The following STK3 variants were observed in gnomAD, a reference collection of about 807,000 sequenced individuals.
STK3 encodes the protein serine/threonine kinase 3, also known as serine/threonine-protein kinase 3.
A neutral mutation model predicts 58.0 loss-of-function variants in STK3; 41 were observed. The observed-to-expected ratio is 0.71, with a 90% CI of 0.55 to 0.92. The LOEUF is 0.92. STK3 is among the 40% of genes least tolerant of loss of function. The pLI is 0.00. For synonymous variants in STK3, 170 were observed against 191.0 expected, an observed-to-expected ratio of 0.89 and a Z score of 0.91; for missense variants, 479 against 602.7, an observed-to-expected ratio of 0.79 and a Z score of 2.15.
At chr8:98,604,921 A>T (rs528416766) in intron 6 of STK3, among the ~76,000 whole-genome samples, 10 of 152,238 alleles carry the variant, frequency 6.6e-5, no homozygotes, top group African/African-American at 2.4e-4. Flanking sequence ...CATCAGTCTC[A>T]AGTTCAAAGA....
chr8:98,494,162 G>A (rs894490237), intron 10 of STK3, among the ~76,000 whole-genome samples: 1 of 151,998 alleles, frequency 6.6e-6, no homozygotes, highest in African/African-American at 2.4e-5. Flanking sequence ...AGGTATAAAC[G>A]CTGCTGCCTA....
chr8:98,378,901 T>A (rs534827021), intron 2 of STK3, among the ~76,000 whole-genome samples: 57 of 152,248 alleles, frequency 3.7e-4, no homozygotes, highest in African/African-American at 1.3e-3. Flanking sequence ...CCTTTTGCAA[T>A]CCTTTCAAAG....
chr8:98,685,434 A>C (rs1823915451), intron 6 of STK3, among the ~76,000 whole-genome samples: 1 of 152,168 alleles, frequency 6.6e-6, no homozygotes, highest in Non-Finnish European at 1.5e-5. Flanking sequence ...AATCTAGAGA[A>C]GTTGAGACCT....
At chr8:98,514,713 G>T (rs898972379) in intron 10 of STK3, among the ~76,000 whole-genome samples, 4 of 151,844 alleles carry the variant, frequency 2.6e-5, no homozygotes, top group Admixed American at 2.6e-4. Context: ...ATCCATTTTT[G>T]GTAATCATCT....
At chr8:98,907,839 T>C (rs1320464458) in intron 1 of STK3, among the ~76,000 whole-genome samples, 1 of 152,238 alleles carries the variant, frequency 6.6e-6, no homozygotes, top group African/African-American at 2.4e-5. Context: ...TTAGTTGATA[T>C]GTTTTTTAAT....
chr8:98,815,015 C>T, intron 1 of STK3, among the ~76,000 whole-genome samples: 1 of 152,134 alleles, frequency 6.6e-6, no homozygotes, highest in Non-Finnish European at 1.5e-5. Context: ...TGTTATTTGT[C>T]TTGGATTATT....
chr8:98,520,215 C>G (rs1277807910), intron 10 of STK3, among the ~76,000 whole-genome samples: 2 of 152,136 alleles, frequency 1.3e-5, no homozygotes, highest in African/African-American at 4.8e-5. Flanking sequence ...ACATCCTAAA[C>G]ATAACTTTTT....
chr8:98,682,104 T>C (rs1823681581), intron 6 of STK3, among the ~76,000 whole-genome samples: 1 of 152,224 alleles, frequency 6.6e-6, no homozygotes, highest in Non-Finnish European at 1.5e-5. Flanking sequence ...ATATCAATTG[T>C]ATGTCATAAG....
intron 1 of STK3, among the ~76,000 whole-genome samples, chr8:98,930,399 C>A (rs1033781564): frequency 1.3e-5 from 2 of 152,216 alleles, no homozygotes; most frequent in African/African-American, 4.8e-5. Context: ...CAGTTATTTA[C>A]TTTCCCTGTT....
At chr8:98,494,243 T>C (rs1822941706) in intron 10 of STK3, among the ~76,000 whole-genome samples, 1 of 152,182 alleles carries the variant, frequency 6.6e-6, no homozygotes. Context: ...TGCTTTCTTA[T>C]GGCTAGTCCT....
At chr8:98,655,898 T>C (rs1722935870) in intron 6 of STK3, among the ~76,000 whole-genome samples, 2 of 152,250 alleles carry the variant, frequency 1.3e-5, no homozygotes, top group South Asian at 2.1e-4. Flanking sequence ...GGAATGTAAA[T>C]GAGTTCAACC....
intron 6 of STK3, among the ~76,000 whole-genome samples, chr8:98,688,441 ATACTC>A (rs906078347): frequency 6.6e-6 from 1 of 152,214 alleles, no homozygotes; most frequent in Non-Finnish European, 1.5e-5. Context: ...CATCTACAGA[ATACTC>A]TACCAAACAA....
chr8:98,347,832 C>A, the STK3 span, among the ~76,000 whole-genome samples: 1 of 152,146 alleles, frequency 6.6e-6, no homozygotes, highest in South Asian at 2.1e-4. Context: ...GATATTCGTT[C>A]TTTCCAGCTT....
At chr8:98,817,843 T>A (rs1253574721) in intron 1 of STK3, among the ~76,000 whole-genome samples, 2 of 152,142 alleles carry the variant, frequency 1.3e-5, no homozygotes, top group Non-Finnish European at 2.9e-5. Flanking sequence ...CCCTCTACAA[T>A]CTACTCTACC....
chr8:98,710,972 G>C (rs1826372189), intron 4 of STK3, among the ~76,000 whole-genome samples: 1 of 152,204 alleles, frequency 6.6e-6, no homozygotes, highest in South Asian at 2.1e-4. Flanking sequence ...AGCAACATTT[G>C]CTGTTCACCA....
chr8:98,409,689 A>G (rs1818034594), intron 3 of STK3, among the ~76,000 whole-genome samples: 1 of 152,226 alleles, frequency 6.6e-6, no homozygotes, highest in South Asian at 2.1e-4. Context: ...TTATGTGTCA[A>G]ACCATGTGTT....
intron 6 of STK3, among the ~76,000 whole-genome samples, chr8:98,617,544 A>T (rs1427185484): frequency 9.2e-5 from 14 of 151,632 alleles, no homozygotes; most frequent in African/African-American, 3.4e-4. Flanking sequence ...TGAAAGGATC[A>T]ACAAAATTGA....
chr8:98,491,125 C>T (rs1292713466), intron 10 of STK3, among the ~76,000 whole-genome samples: 1 of 151,550 alleles, frequency 6.6e-6, no homozygotes, highest in Non-Finnish European at 1.5e-5. Context: ...TAGTGGCATC[C>T]TTCCATCCCT....
intron 3 of STK3, among the ~76,000 whole-genome samples, chr8:98,832,177 A>T (rs1835555616): frequency 1.3e-5 from 2 of 151,780 alleles, no homozygotes; most frequent in African/African-American, 4.8e-5. Context: ...AGGCATTTTA[A>T]AGAAGGAAGA....
Sources: allele counts gnomAD v4.1 joint callset (sites outside exome capture counted in the v4.1 genomes callset), GRCh38; gene constraint gnomAD v4.1.1; transcripts MANE v1.5; gene names NCBI Gene and HGNC (gene_info 2026-07-23, HGNC 2026-07-21).